PRKG1: variants seen among roughly 807,000 people sequenced by gnomAD.
The protein encoded by PRKG1 is cGMP-dependent protein kinase 1.
A neutral mutation model predicts 88.1 loss-of-function variants in PRKG1; 35 were observed. That is an observed-to-expected ratio of 0.40 (90% CI 0.30 to 0.53). The LOEUF is 0.53. Among genes scored for constraint, PRKG1 ranks in the 20% least tolerant of loss-of-function variants. The pLI is 0.59. For synonymous variants in PRKG1, 303 were observed against 292.5 expected, an observed-to-expected ratio of 1.04 and a Z score of -0.37; for missense variants, 540 against 839.8, an observed-to-expected ratio of 0.64 and a Z score of 4.41.
chr10:51,518,496 C>T (rs1841652434), intron 3 of PRKG1, among the ~76,000 whole-genome samples: 1 of 152,168 alleles, frequency 6.6e-6, no homozygotes, highest in South Asian at 2.1e-4. Flanking sequence ...CATTGACATC[C>T]TGTTAGCATA....
intron 3 of PRKG1, among the ~76,000 whole-genome samples, chr10:51,768,682 T>C (rs16922819): frequency 0.047 from 7,197 of 152,164 alleles, 551 homozygotes; most frequent in African/African-American, 0.16. Flanking sequence ...CCCAGGAAGG[T>C]ATAATGTATT....
intron 2 of PRKG1, among the ~76,000 whole-genome samples, chr10:51,442,641 T>C (rs1395849507): frequency 6.6e-6 from 1 of 152,000 alleles, no homozygotes; most frequent in Non-Finnish European, 1.5e-5. Context: ...TTAAAATAAA[T>C]GAGGCTAATC....
intron 4 of PRKG1, among the ~76,000 whole-genome samples, chr10:51,873,471 C>T (rs1198255856): frequency 6.6e-6 from 1 of 151,502 alleles, no homozygotes; most frequent in African/African-American, 2.4e-5. Context: ...TCTATCTAAT[C>T]ATCTATGTCT....
At position 51,024,424 on chromosome 10, in the gene PRKG1, A is replaced by G. The variant is rs1276866511; in HGVS notation, c.266+32780A>G. Among the ~76,000 whole-genome samples, 4 of 152,300 alleles carry G rather than the reference A, an allele frequency of 2.6e-5. No homozygotes were observed. The East Asian group carries it at 7.7e-4, about 29-fold the overall frequency. On this transcript the variant is annotated intron_variant, in intron 1 of 17. Transcript: ENST00000401604. The stretch of plus-strand genomic sequence containing the variant: ...CATAATGATAGTAGTCATGTTCATT[A>G]AGCTTGTACTAAGTTCTACGTACTT...
chr10:51,143,720 G>A (rs752417238), intron 1 of PRKG1, among the ~76,000 whole-genome samples: 3 of 152,018 alleles, frequency 2.0e-5, no homozygotes, highest in Non-Finnish European at 4.4e-5. Flanking sequence ...CTGAAGATGC[G>A]TGACACTGAG....
intron 10 of PRKG1, among the ~76,000 whole-genome samples, chr10:52,255,057 A>G (rs1841276094): frequency 6.6e-6 from 1 of 152,076 alleles, no homozygotes; most frequent in Non-Finnish European, 1.5e-5. Flanking sequence ...ATTTTTAAGA[A>G]TGGTCTTTCT....
At chr10:51,066,710 A>G (rs910008634) in intron 1 of PRKG1, among the ~76,000 whole-genome samples, 1 of 152,112 alleles carries the variant, frequency 6.6e-6, no homozygotes, top group African/African-American at 2.4e-5. Flanking sequence ...TTTACTGTAT[A>G]TTTATTTTGG....
At chr10:51,789,380 A>C (rs183824828) in intron 3 of PRKG1, among the ~76,000 whole-genome samples, 79 of 152,292 alleles carry the variant, frequency 5.2e-4, no homozygotes, top group African/African-American at 1.8e-3. Flanking sequence ...CTTTTGACCG[A>C]ATCTCAAAAT....
chr10:51,486,187 A>T (rs555028470), intron 3 of PRKG1, among the ~76,000 whole-genome samples: 2 of 152,144 alleles, frequency 1.3e-5, no homozygotes, highest in East Asian at 3.9e-4. Flanking sequence ...GCTCTCTGGG[A>T]CTTCTTCATT....
At chr10:51,897,365 C>T (rs147129968) in intron 4 of PRKG1, among the ~76,000 whole-genome samples, 6 of 152,094 alleles carry the variant, frequency 3.9e-5, no homozygotes, top group African/African-American at 1.4e-4. Context: ...ATATGAGAAT[C>T]AGAAGGCTAC....
intron 3 of PRKG1, among the ~76,000 whole-genome samples, chr10:51,561,145 A>G (rs1375170388): frequency 2.6e-5 from 4 of 151,868 alleles, no homozygotes; most frequent in South Asian, 2.1e-4. Context: ...TGGGTGTGGT[A>G]GCTGGGTATG....
At chr10:51,396,259 G>T (rs918545999) in intron 2 of PRKG1, among the ~76,000 whole-genome samples, 15 of 152,046 alleles carry the variant, frequency 9.9e-5, no homozygotes, top group African/African-American at 3.6e-4. Flanking sequence ...TAATTAACTG[G>T]GCGTGGTGAC....
At chr10:51,461,510 G>A (rs538742063) in intron 2 of PRKG1, among the ~76,000 whole-genome samples, 7 of 152,206 alleles carry the variant, frequency 4.6e-5, no homozygotes, top group Non-Finnish European at 8.8e-5. Context: ...AAATAGGGCC[G>A]TTTCTCACAG....
At chr10:51,122,258 G>T (rs1415615460) in intron 1 of PRKG1, among the ~76,000 whole-genome samples, 1 of 152,188 alleles carries the variant, frequency 6.6e-6, no homozygotes, top group African/African-American at 2.4e-5. Flanking sequence ...AAACCCATAT[G>T]AAAGGCATAT....
rs142284264 is a variant in PRKG1, at chr10:51,698,932, C to T, written c.593-105653C>T. On this transcript the variant is annotated intron_variant, in intron 3 of 17. Coordinates refer to ENST00000373980, the MANE Select transcript of PRKG1 (RefSeq NM_006258.4). ...GGCCAGGGCCAGAGACAGACACAGA[C>T]TGAGATTTGCCTGGGATCAGTGGTG... 3.3e-5 allele frequency: 53 copies of T among 1,614,116 alleles called. 1 individual carries two copies. In the African/African-American group the frequency reaches 6.5e-4, roughly 20 times the overall value.
At chr10:51,886,410 A>C (rs1448179192) in intron 4 of PRKG1, among the ~76,000 whole-genome samples, 2 of 152,176 alleles carry the variant, frequency 1.3e-5, no homozygotes, top group Admixed American at 1.3e-4. Flanking sequence ...TTATGCATGC[A>C]CATTTTATTT....
chr10:51,314,999 T>G (rs2132496947), intron 2 of PRKG1, among the ~76,000 whole-genome samples: 1 of 152,322 alleles, frequency 6.6e-6, no homozygotes, highest in Middle Eastern at 3.4e-3. Context: ...AAATATTAAC[T>G]TGGCTGGGAT....
intron 3 of PRKG1, among the ~76,000 whole-genome samples, chr10:51,528,044 C>T (rs1315812255): frequency 6.6e-6 from 1 of 152,090 alleles, no homozygotes; most frequent in Admixed American, 6.5e-5. Flanking sequence ...TATAGCTTGC[C>T]GTGCTTTGAA....
At chr10:51,500,874 G>A (rs1841006514) in intron 3 of PRKG1, among the ~76,000 whole-genome samples, 1 of 152,148 alleles carries the variant, frequency 6.6e-6, no homozygotes, top group African/African-American at 2.4e-5. Context: ...GAAAACAATT[G>A]GAGCTGCATT....
Sources: allele counts gnomAD v4.1 joint callset (sites outside exome capture counted in the v4.1 genomes callset), GRCh38; gene constraint gnomAD v4.1.1; transcripts MANE v1.5; gene names NCBI Gene and HGNC (gene_info 2026-07-23, HGNC 2026-07-21).